Variants in ABHD12 observed in about 807,000 individuals in gnomAD.
The protein encoded by ABHD12 is lysophosphatidylserine lipase ABHD12.
In ABHD12, 43 loss-of-function variants were observed where a neutral mutation model predicts 58.3. That is an observed-to-expected ratio of 0.74 (90% CI 0.58 to 0.95). The LOEUF is 0.95. Among genes scored for constraint, ABHD12 ranks in the 40% least tolerant of loss-of-function variants. The probability of loss-of-function intolerance (pLI) is 0.00; values close to 1 mark genes in which losing one functional copy is unlikely to be tolerated. For synonymous variants in ABHD12, 219 were observed against 211.2 expected (o/e 1.04, Z -0.32); for missense variants, 539 against 537.2 (o/e 1.00, Z -0.03).
intron 12 of ABHD12, 125 bp from the exon 13 acceptor site, chr20:25,301,009 G>T: frequency 1.0e-6 from 1 of 991,922 alleles, no homozygotes; most frequent in South Asian, 1.4e-5. Flanking sequence ...AGAGCCCCAT[G>T]AGGATGCGCT....
intron 2 of ABHD12, among the ~76,000 whole-genome samples, chr20:25,331,486 A>T (rs374324080): frequency 5.9e-5 from 9 of 151,976 alleles, no homozygotes; most frequent in East Asian, 1.9e-4. Context: ...GAAGAGCAAC[A>T]CCAAGACACA....
At chr20:25,337,023 A>T (rs908398452) in intron 2 of ABHD12, among the ~76,000 whole-genome samples, 8 of 152,220 alleles carry the variant, frequency 5.3e-5, no homozygotes, top group African/African-American at 1.7e-4. Flanking sequence ...GCACGTTGGG[A>T]GGCCAAGGCA....
At chr20:25,302,400 C>T (rs2088653686) in intron 11 of ABHD12, 54 bp from the exon 12 acceptor site, 15 of 1,608,314 alleles carry the variant, frequency 9.3e-6, no homozygotes, top group Non-Finnish European at 1.2e-5. Flanking sequence ...GGGGTCCCAG[C>T]CTGAGGAACA....
Position 25,309,449 on chromosome 20 carries a change from G to C in ABHD12, c.746C>G (p.Thr249Ser). The C allele has an allele frequency of 1.2e-6, 2 of 1,614,154 alleles. No individual in the cohort carries two copies. Among genetic ancestry groups the C allele is most frequent in the Non-Finnish European group, 1.7e-6 (2 of 1,180,004 alleles). ...GCCTCCTGCTGGGGTCCCTTACCCAGTGCCCAGAGAGTGGCCCCAGATGTA... is the reference window on the plus strand; with the variant it reads ...GCCTCCTGCTGGGGTCCCTTACCCACTGCCCAGAGAGTGGCCCCAGATGTA... ...PVYIWGHSLG[T>S]GVATNLVRRL... The change falls in exon 7 of 13, where the codon ACT becomes AGT. Residue 249 changes from threonine to serine, a missense_variant. Physicochemically the swap from Thr to Ser is moderately conservative, Grantham distance 58 (BLOSUM62 1). Transcript: ENST00000339157.
At chr20:25,313,529 C>G (rs917682487) in intron 6 of ABHD12, among the ~76,000 whole-genome samples, 1 of 151,408 alleles carries the variant, frequency 6.6e-6, no homozygotes, top group Non-Finnish European at 1.5e-5. Context: ...CACTATTGTC[C>G]TATGACCCTG....
chr20:25,306,787 G>GA, intron 10 of ABHD12, 46 bp downstream of exon 10: 1 of 1,377,214 alleles, frequency 7.3e-7, no homozygotes, highest in Non-Finnish European at 1.0e-6. Context: ...GAGGTTCTCA[G>GA]AGTTTTTCTA....
chr20:25,295,920 G>C (rs561470014), downstream of ABHD12, among the ~76,000 whole-genome samples: 3 of 152,202 alleles, frequency 2.0e-5, no homozygotes, highest in African/African-American at 4.8e-5. Context: ...ACTGAGTGAC[G>C]GGCAGGGCCC....
chr20:25,323,200 G>A (rs1387864409), intron 3 of ABHD12, 125 bp downstream of exon 3: 1 of 744,718 alleles, frequency 1.3e-6, no homozygotes, highest in Admixed American at 1.9e-5. Context: ...CTTTCCTTTA[G>A]GAAAGGAAGA....
intron 1 of ABHD12, among the ~76,000 whole-genome samples, chr20:25,386,098 C>T (rs1247931270): frequency 6.7e-6 from 1 of 150,066 alleles, no homozygotes; most frequent in Non-Finnish European, 1.5e-5. Context: ...GAGACTCCGT[C>T]TCAAAAAAAT....
At chr20:25,309,118 T>C (rs1265358473) in intron 7 of ABHD12, among the ~76,000 whole-genome samples, 1 of 152,144 alleles carries the variant, frequency 6.6e-6, no homozygotes, top group Non-Finnish European at 1.5e-5. Context: ...GTACCTCCTG[T>C]CCTGGCCTCT....
intron 6 of ABHD12, among the ~76,000 whole-genome samples, chr20:25,312,982 G>A (rs1046793923): frequency 7.9e-4 from 118 of 148,652 alleles, no homozygotes; most frequent in Admixed American, 2.5e-3. Context: ...GCCCCCGACC[G>A]GCCAGCCACC....
Position 25,306,700 on chromosome 20 carries a change from A to G in ABHD12, c.950+133T>C, listed in dbSNP as rs552709130. On this transcript the variant is annotated intron_variant, in intron 10 of 12. Transcript: ENST00000339157. Reference sequence around the variant, plus strand: ...CCTAGCAGGCTTTCCCTTTTTAAAGACCTGTTTGCTAGAGAATGACCCTAA... The same window carrying G: ...CCTAGCAGGCTTTCCCTTTTTAAAGGCCTGTTTGCTAGAGAATGACCCTAA... 3.1e-5 allele frequency: 21 copies of G among 671,910 alleles called. No individual in the cohort carries two copies. The African/African-American group carries it at 3.6e-4, about 12-fold the overall frequency. The allele number at this position is 671,910 out of a possible 1,614,324, so 41.6% of individuals were successfully genotyped here. A position where few individuals can be genotyped will look rare whatever the true frequency, so the allele number is the denominator to read the frequency against.
At chr20:25,373,403 C>T (rs977679799) in intron 1 of ABHD12, among the ~76,000 whole-genome samples, 8 of 151,978 alleles carry the variant, frequency 5.3e-5, no homozygotes, top group East Asian at 3.9e-4. Flanking sequence ...AAAAATCAGC[C>T]GGGTGTGGTG....
intron 1 of ABHD12, among the ~76,000 whole-genome samples, chr20:25,373,242 C>G (rs1390250778): frequency 2.0e-5 from 3 of 152,172 alleles, no homozygotes; most frequent in African/African-American, 7.2e-5. Context: ...CATGGCATGA[C>G]AGCGTCAAAG....
intron 1 of ABHD12, among the ~76,000 whole-genome samples, chr20:25,340,912 G>A (rs1568743433): frequency 6.6e-6 from 1 of 152,186 alleles, no homozygotes; most frequent in Admixed American, 6.5e-5. Context: ...TGATGTGGCT[G>A]TGGTCACATG....
intron 1 of ABHD12, among the ~76,000 whole-genome samples, chr20:25,348,515 G>A (rs1293921207): frequency 6.6e-6 from 1 of 151,394 alleles, no homozygotes; most frequent in African/African-American, 2.4e-5. Context: ...CAGCTACCCG[G>A]GAGGCTGAGA....
intron 1 of ABHD12, among the ~76,000 whole-genome samples, chr20:25,388,956 G>T (rs560483029): frequency 1.3e-5 from 2 of 151,664 alleles, no homozygotes; most frequent in Non-Finnish European, 2.9e-5. Flanking sequence ...AGGCATATGC[G>T]CCACCACGCC....
chr20:25,300,866 C>T lies in ABHD12; in HGVS notation c.1176G>A (p.Ser392=), dbSNP rs184232860. 1.3e-3 allele frequency: 2,092 copies of T among 1,614,064 alleles called. 34 individuals carry two copies. The South Asian group carries it at 0.02, about 15-fold the overall frequency. Residue 392 remains serine (S), a synonymous_variant, in exon 13 of 13, where the codon TCG becomes TCA. Transcript: ENST00000339157. ...PRILREFLGK[S]EPEHQH ...AGGCTCAGTGCTGGTGCTCAGGCTC[C>T]GACTTCCCCAGGAATTCCCTAGACC...
At chr20:25,379,505 G>A (rs781192855) in intron 1 of ABHD12, among the ~76,000 whole-genome samples, 1 of 152,050 alleles carries the variant, frequency 6.6e-6, no homozygotes. Context: ...CTTCCTATCT[G>A]AGGGGAACTC....
Sources: allele counts gnomAD v4.1 joint callset (sites outside exome capture counted in the v4.1 genomes callset), GRCh38; gene constraint gnomAD v4.1.1; transcripts MANE v1.5; gene names NCBI Gene and HGNC (gene_info 2026-07-23, HGNC 2026-07-21).